The following PAK5 variants were observed in gnomAD, a reference collection of about 807,000 sequenced individuals.
The protein encoded by PAK5 is p21 (RAC1) activated kinase 5.
A neutral mutation model predicts 65.9 loss-of-function variants in PAK5; 16 were observed. The ratio of observed to expected loss-of-function variants is 0.24; its 90% CI spans 0.16 to 0.37. PAK5 has a LOEUF of 0.37. PAK5 is among the 10% of genes least tolerant of loss of function. PAK5 has a pLI of 1.00. For missense variants in PAK5, 785 were observed against 903.9 expected, an observed-to-expected ratio of 0.87 and a Z score of 1.69; for synonymous variants, 371 against 354.9, an observed-to-expected ratio of 1.05 and a Z score of -0.51.
At chr20:9,554,594 G>A (rs1029594292) in intron 7 of PAK5, among the ~76,000 whole-genome samples, 12 of 152,174 alleles carry the variant, frequency 7.9e-5, no homozygotes, top group Non-Finnish European at 1.0e-4. Context: ...GAGATGCTTC[G>A]TTATAACAGC....
intron 1 of PAK5, among the ~76,000 whole-genome samples, chr20:9,730,882 T>C (rs923406411): frequency 2.0e-5 from 3 of 152,186 alleles, no homozygotes; most frequent in Non-Finnish European, 2.9e-5. Context: ...CATTTGCCAA[T>C]GGTTAACAGG....
At chr20:9,583,831 A>G (rs189400742) in intron 3 of PAK5, among the ~76,000 whole-genome samples, 3 of 152,208 alleles carry the variant, frequency 2.0e-5, no homozygotes, top group Middle Eastern at 3.4e-3. Flanking sequence ...TTCTGTCCTT[A>G]TTGTTTTGTC....
At chr20:9,577,520 G>A (rs1197972311) in intron 4 of PAK5, 5 of 152,150 alleles carry the variant, frequency 3.3e-5, no homozygotes, top group Admixed American at 6.5e-5. Context: ...TCCTTTAGGA[G>A]TCTCTGCAAG....
intron 1 of PAK5, among the ~76,000 whole-genome samples, chr20:9,791,800 A>G (rs1042517453): frequency 3.3e-5 from 5 of 152,142 alleles, no homozygotes; most frequent in Admixed American, 1.3e-4. Flanking sequence ...AGCCTCATAG[A>G]GGCAACAGTC....
At chr20:9,561,845 A>G (rs948102350) in intron 6 of PAK5, among the ~76,000 whole-genome samples, 7 of 152,210 alleles carry the variant, frequency 4.6e-5, no homozygotes, top group African/African-American at 1.7e-4. Flanking sequence ...GCTATTTTGT[A>G]TGTCTATTCC....
intron 2 of PAK5, among the ~76,000 whole-genome samples, chr20:9,652,555 C>T (rs2047215704): frequency 6.6e-6 from 1 of 152,234 alleles, no homozygotes; most frequent in Admixed American, 6.5e-5. Flanking sequence ...CCACTGGGTG[C>T]TTCCCACTCC....
intron 7 of PAK5, among the ~76,000 whole-genome samples, chr20:9,552,328 A>G (rs568680160): frequency 5.3e-4 from 81 of 152,348 alleles, no homozygotes; most frequent in Non-Finnish European, 9.0e-4. Flanking sequence ...TAATTCATTT[A>G]TCAAATGTTG....
At chr20:9,712,437 T>G (rs1045286246) in intron 1 of PAK5, among the ~76,000 whole-genome samples, 6 of 152,172 alleles carry the variant, frequency 3.9e-5, no homozygotes, top group African/African-American at 1.4e-4. Flanking sequence ...TCTTATATTC[T>G]CTGCTGTCCT....
At chr20:9,833,472 A>C (rs1600424847) in intron 1 of PAK5, among the ~76,000 whole-genome samples, 11 of 72,076 alleles carry the variant, frequency 1.5e-4, no homozygotes, top group South Asian at 4.3e-4. Flanking sequence ...CATCCATACC[A>C]CCTCATCCCA....
chr20:9,714,213 T>A (rs1238093671), intron 1 of PAK5, among the ~76,000 whole-genome samples: 1 of 152,126 alleles, frequency 6.6e-6, no homozygotes, highest in Non-Finnish European at 1.5e-5. Context: ...GCTCCTCCAA[T>A]TTTCAGAGAA....
chr20:9,803,460 T>C (rs2049195969), intron 1 of PAK5, among the ~76,000 whole-genome samples: 3 of 152,158 alleles, frequency 2.0e-5, no homozygotes, highest in Admixed American at 2.0e-4. Flanking sequence ...TAAGGGTCCC[T>C]ATGTGAAAAT....
chr20:9,716,409 T>C (rs2048147856), intron 1 of PAK5, among the ~76,000 whole-genome samples: 1 of 152,236 alleles, frequency 6.6e-6, no homozygotes, highest in Admixed American at 6.5e-5. Flanking sequence ...AGTTTTAAAA[T>C]TGATATAATC....
chr20:9,738,836 G>A lies in PAK5; in HGVS notation c.-161-27401C>T, dbSNP rs1258124702. 2.0e-5 allele frequency among the ~76,000 whole-genome samples: 3 copies of A among 152,214 alleles called. No individual in the cohort carries two copies. The East Asian group carries it at 5.8e-4, about 29-fold the overall frequency. ...GGGCAGTTTGTGTGTGTGTGTGTGT[G>A]TGTGTGTCAGTTACAATGCAATAAT... On this transcript the variant is annotated intron_variant, in intron 1 of 9. Coordinates refer to ENST00000353224, the MANE Select transcript of PAK5 (RefSeq NM_177990.4).
At chr20:9,660,882 C>A (rs2047336671) in intron 2 of PAK5, among the ~76,000 whole-genome samples, 1 of 152,110 alleles carries the variant, frequency 6.6e-6, no homozygotes, top group African/African-American at 2.4e-5. Flanking sequence ...TCAGGCCGCA[C>A]AGGGCAGTAG....
chr20:9,638,540 G>A (rs1412024091), intron 3 of PAK5, among the ~76,000 whole-genome samples: 2 of 152,200 alleles, frequency 1.3e-5, no homozygotes, highest in Non-Finnish European at 2.9e-5. Context: ...GTGGTCCTCA[G>A]ACCAGCAGCA....
chr20:9,710,053 C>T (rs1208758925), intron 2 of PAK5, among the ~76,000 whole-genome samples: 1 of 152,210 alleles, frequency 6.6e-6, no homozygotes, highest in South Asian at 2.1e-4. Flanking sequence ...TTCAACATTC[C>T]ATCTATGAAT....
intron 2 of PAK5, among the ~76,000 whole-genome samples, chr20:9,710,890 C>T (rs1164232842): frequency 6.6e-6 from 1 of 152,164 alleles, no homozygotes; most frequent in Non-Finnish European, 1.5e-5. Context: ...TGGTTCATGA[C>T]ACATGGACGG....
intron 3 of PAK5, among the ~76,000 whole-genome samples, chr20:9,630,517 C>T (rs2046907803): frequency 6.6e-6 from 1 of 152,144 alleles, no homozygotes. Context: ...GCAGTGAATC[C>T]ACACAAACTC....
At chr20:9,796,267 G>C (rs897985543) in intron 1 of PAK5, among the ~76,000 whole-genome samples, 5 of 151,952 alleles carry the variant, frequency 3.3e-5, no homozygotes, top group Admixed American at 3.3e-4. Flanking sequence ...AGAACAGAGG[G>C]AACAACAGAA....
Sources: gnomAD v4.1 joint callset for allele counts (sites outside exome capture counted in the v4.1 genomes callset) on GRCh38, gnomAD v4.1.1 for gene constraint, MANE v1.5 for transcripts, NCBI Gene and HGNC (gene_info 2026-07-23, HGNC 2026-07-21) for gene names.